Variants in ALDH1L2 observed in about 807,000 individuals in gnomAD.
ALDH1L2 encodes aldehyde dehydrogenase 1 family member L2, also known as mitochondrial 10-formyltetrahydrofolate dehydrogenase.
ALDH1L2 carries 91 observed loss-of-function variants against 111.0 expected under a neutral mutation model. The ratio of observed to expected loss-of-function variants is 0.82; its 90% CI spans 0.69 to 0.98. ALDH1L2 has a LOEUF of 0.98. Among genes scored for constraint, ALDH1L2 ranks in the 50% least tolerant of loss-of-function variants. ALDH1L2 has a pLI of 0.00. For synonymous variants in ALDH1L2, 374 were observed against 392.6 expected (o/e 0.95, Z 0.56); for missense variants, 995 against 1,126.8 (o/e 0.88, Z 1.67).
chr12:105,073,054 A>T (rs1201939355), intron 2 of ALDH1L2, among the ~76,000 whole-genome samples: 1 of 152,236 alleles, frequency 6.6e-6, no homozygotes, highest in Non-Finnish European at 1.5e-5. Flanking sequence ...GCTGCCCCAG[A>T]GCTATCTTTG....
At chr12:105,038,303 CACA>C in intron 17 of ALDH1L2, 101 bp from the exon 18 acceptor site, 1 of 661,008 alleles carries the variant, frequency 1.5e-6, no homozygotes. Flanking sequence ...CACACACACA[CACA>C]CACACACACA....
chr12:105,082,996 A>G (rs1201687753), intron 1 of ALDH1L2, among the ~76,000 whole-genome samples: 6 of 152,244 alleles, frequency 3.9e-5, no homozygotes, highest in Non-Finnish European at 7.3e-5. Flanking sequence ...ACCCCTGCGT[A>G]CAGTTAGACC....
chr12:105,083,697 A>T (rs1878440827), intron 1 of ALDH1L2, among the ~76,000 whole-genome samples: 1 of 151,770 alleles, frequency 6.6e-6, no homozygotes, highest in African/African-American at 2.4e-5. Flanking sequence ...ACCGCAGTGC[A>T]ACGTGTCCTC....
At chr12:105,062,272 T>C (rs1287471703) in intron 7 of ALDH1L2, among the ~76,000 whole-genome samples, 1 of 152,232 alleles carries the variant, frequency 6.6e-6, no homozygotes, top group African/African-American at 2.4e-5. Context: ...TCAATGAGGT[T>C]CAGTAATTTG....
rs1197197081 is a variant in ALDH1L2, at chr12:105,047,688, G to A, written c.1687-719C>T. On this transcript the variant is annotated intron_variant, in intron 13 of 22. Transcript: ENST00000258494. ...TAATCCTAACGGAATCACAATAGTA[G>A]CCTTTAATGAAAGCTATTCATTTGC... 2.0e-5 allele frequency: 3 copies of A among 152,142 alleles called. No individual in the cohort carries two copies. In the East Asian group the frequency reaches 5.8e-4, roughly 29 times the overall value. 9.4% of individuals were successfully genotyped at this position (152,142 alleles called of 1,614,324 possible).
chr12:105,044,665 T>C (rs1219230196), intron 15 of ALDH1L2, among the ~76,000 whole-genome samples: 1 of 144,848 alleles, frequency 6.9e-6, no homozygotes, highest in Non-Finnish European at 1.5e-5. Context: ...TCAATATCTA[T>C]CACACAAATA....
intron 1 of ALDH1L2, among the ~76,000 whole-genome samples, chr12:105,078,810 A>G (rs978634839): frequency 6.6e-6 from 1 of 152,224 alleles, no homozygotes; most frequent in Non-Finnish European, 1.5e-5. Context: ...TGAATCTTAG[A>G]GAATCCATCT....
rs536308444 is a variant in ALDH1L2, at chr12:105,076,303, C to T, written c.49-2298G>A. Among the ~76,000 whole-genome samples the T allele has an allele frequency of 9.2e-5, 14 of 152,222 alleles. No homozygotes were observed. In the East Asian group the frequency reaches 2.3e-3, roughly 25 times the overall value. The stretch of plus-strand genomic sequence containing the variant: ...TCTGCCCACAAGAACAAGATTCTGC[C>T]CTGGGGAGTTTCGGTCAGGAAGAAA... On this transcript the variant is annotated intron_variant, in intron 1 of 22. Coordinates refer to ENST00000258494, the MANE Select transcript of ALDH1L2 (RefSeq NM_001034173.4).
intron 1 of ALDH1L2, among the ~76,000 whole-genome samples, chr12:105,078,533 G>A (rs1311314718): frequency 6.6e-6 from 1 of 152,196 alleles, no homozygotes; most frequent in Non-Finnish European, 1.5e-5. Context: ...CAGTCAGCTA[G>A]CGCTGAGCAG....
intron 12 of ALDH1L2, chr12:105,050,616 G>A (rs1044691930): frequency 2.3e-6 from 1 of 435,846 alleles, no homozygotes; most frequent in African/African-American, 2.0e-5. Context: ...GGTTCTCTGA[G>A]CTGTTCCTTT....
intron 6 of ALDH1L2, among the ~76,000 whole-genome samples, chr12:105,064,720 C>G (rs1049249548): frequency 6.6e-6 from 1 of 152,176 alleles, no homozygotes; most frequent in Non-Finnish European, 1.5e-5. Context: ...GAAACCTCCC[C>G]GAAGAGGTGA....
At position 105,063,021 on chromosome 12, in the gene ALDH1L2, A is replaced by G. The variant is rs747337136; in HGVS notation, c.788T>C (p.Met263Thr). Residue 263 changes from methionine (M) to threonine (T), a missense_variant and splice_region_variant, in exon 7 of 23, where the codon ATG becomes ACG. Transcript: ENST00000258494. The part of the protein sequence containing the change: ...PGAWTEINGQ[M>T]VTFYGSTLLN... ...TAATGTCGAGCCATAGAAAGTGACC[A>G]TCTAGTAAAGAGATCAAACACAGAT... The G allele has an allele frequency of 1.2e-6, 2 of 1,612,622 alleles. No homozygotes were observed. Among genetic ancestry groups the G allele is most frequent in the Admixed American group, 1.7e-5 (1 of 59,612 alleles).
chr12:105,055,113 G>A (rs1285920857), intron 10 of ALDH1L2, among the ~76,000 whole-genome samples: 1 of 152,162 alleles, frequency 6.6e-6, no homozygotes, highest in Non-Finnish European at 1.5e-5. Flanking sequence ...AAAGACCTCA[G>A]AAGGCCCTTA....
In ALDH1L2 at chr12:105,066,580, C is replaced by T. The variant is rs756598131; in HGVS notation, c.684G>A (p.Lys228=). ...EGATYEGIQK[K]ENAEISWDQS... Reference sequence around the variant, plus strand: ...GATATATAAATACCTCAGCATTTTCCTTTTTCTGGATACCTTCATATGTTG... The same window carrying T: ...GATATATAAATACCTCAGCATTTTCTTTTTTCTGGATACCTTCATATGTTG... The change falls in exon 5 of 23, where the codon AAG becomes AAA. Residue 228 remains lysine, a synonymous_variant. Coordinates refer to ENST00000258494, the MANE Select transcript of ALDH1L2 (RefSeq NM_001034173.4). 6.2e-7 allele frequency: 1 copy of T among 1,613,886 alleles called. No individual in the cohort carries two copies. The highest frequency in any genetic ancestry group is 8.5e-7 in the Non-Finnish European group (1 of 1,179,952).
rs1878389521 is a variant in ALDH1L2, at chr12:105,082,771, A to G, written c.48+1618T>C. On this transcript the variant is annotated intron_variant, in intron 1 of 22. Coordinates refer to ENST00000258494, the MANE Select transcript of ALDH1L2 (RefSeq NM_001034173.4). Reference sequence around the variant, plus strand: ...AGGTTTATGTTTAACTACATATAAAACTGCCAAACAGTTTTCCAAAGTGGC... The same window carrying G: ...AGGTTTATGTTTAACTACATATAAAGCTGCCAAACAGTTTTCCAAAGTGGC... Among the ~76,000 whole-genome samples, 5 of 152,346 alleles carry G rather than the reference A, an allele frequency of 3.3e-5. No individual in the cohort carries two copies. The South Asian group carries it at 1.0e-3, about 32-fold the overall frequency.
intron 15 of ALDH1L2, among the ~76,000 whole-genome samples, chr12:105,043,378 G>T (rs975860625): frequency 1.3e-5 from 2 of 152,190 alleles, no homozygotes; most frequent in African/African-American, 2.4e-5. Context: ...CAAGAAAGAG[G>T]CAGGGCCACC....
chr12:105,025,649 AAAAAC>A (rs767472639), intron 22 of ALDH1L2, among the ~76,000 whole-genome samples: 11 of 152,364 alleles, frequency 7.2e-5, no homozygotes, highest in Non-Finnish European at 1.6e-4. Context: ...GAGAAAATGT[AAAAAC>A]AAAACAAAAC....
rs142891511 is a variant in ALDH1L2 at position 105,042,909 on chromosome 12, C to T, written c.1864-2215G>A. On this transcript the variant is annotated intron_variant, in intron 15 of 22. Coordinates refer to ENST00000258494, the MANE Select transcript of ALDH1L2 (RefSeq NM_001034173.4). ...ATACCTTCACACTCTTAAAAACCAACGTCCATTCAGTCTTAAGTCAGTATT... is the reference window on the plus strand; with the variant it reads ...ATACCTTCACACTCTTAAAAACCAATGTCCATTCAGTCTTAAGTCAGTATT... Among the ~76,000 whole-genome samples, 85 of 152,290 alleles carry T rather than the reference C, an allele frequency of 5.6e-4. No individual in the cohort carries two copies. The East Asian group carries it at 0.011, about 19-fold the overall frequency.
chr12:105,038,287 CA>C, intron 17 of ALDH1L2, 85 bp from the exon 18 acceptor site: 2 of 166,608 alleles, frequency 1.2e-5, no homozygotes, highest in Non-Finnish European at 2.1e-5. Flanking sequence ...CAAACACACA[CA>C]CACACACACA....
Sources: allele counts gnomAD v4.1 joint callset (sites outside exome capture counted in the v4.1 genomes callset), GRCh38; gene constraint gnomAD v4.1.1; transcripts MANE v1.5; gene names NCBI Gene and HGNC (gene_info 2026-07-23, HGNC 2026-07-21).